PXDNL: variants seen among roughly 807,000 people sequenced by gnomAD.
PXDNL encodes peroxidasin like, also known as probable oxidoreductase PXDNL.
A neutral mutation model predicts 150.8 loss-of-function variants in PXDNL; 145 were observed. The ratio of observed to expected loss-of-function variants is 0.96; its 90% CI spans 0.84 to 1.10. The LOEUF (loss-of-function observed/expected upper bound fraction) is 1.10, where lower values mean the gene tolerates loss of function less well. Ranked by LOEUF, PXDNL falls within the 50% of genes least tolerant of loss-of-function variation. The pLI is 0.00. For synonymous variants in PXDNL, 757 were observed against 725.7 expected (o/e 1.04, Z -0.69); for missense variants, 2,087 against 1,873.9 (o/e 1.11, Z -2.10).
intron 2 of PXDNL, among the ~76,000 whole-genome samples, chr8:51,651,176 T>C (rs564364531): frequency 6.6e-6 from 1 of 152,214 alleles, no homozygotes; most frequent in Non-Finnish European, 1.5e-5. Flanking sequence ...GATATTTAGT[T>C]AAACACTCTA....
At chr8:51,690,337 C>T (rs1049504315) in intron 1 of PXDNL, among the ~76,000 whole-genome samples, 3 of 152,056 alleles carry the variant, frequency 2.0e-5, no homozygotes, top group African/African-American at 7.2e-5. Flanking sequence ...CACCCTACAA[C>T]AGTCCCCAGA....
intron 2 of PXDNL, among the ~76,000 whole-genome samples, chr8:51,630,343 C>T (rs974356017): frequency 1.3e-5 from 2 of 152,040 alleles, no homozygotes; most frequent in Non-Finnish European, 2.9e-5. Flanking sequence ...TGTAAGATAA[C>T]CTAGAAAATA....
chr8:51,378,846 T>C (rs2915503), intron 17 of PXDNL, among the ~76,000 whole-genome samples: 151,656 of 152,288 alleles, frequency 1, 75,519 homozygotes, highest in Middle Eastern at 1. Context: ...GAAGAAACTC[T>C]GAACATGTTC....
chr8:51,477,262 G>A (rs1189203442), intron 6 of PXDNL, among the ~76,000 whole-genome samples: 1 of 152,146 alleles, frequency 6.6e-6, no homozygotes, highest in Non-Finnish European at 1.5e-5. Context: ...ATGTTTAGTA[G>A]CTTTAAATTG....
intron 20 of PXDNL, among the ~76,000 whole-genome samples, chr8:51,340,389 T>C (rs1805952253): frequency 6.6e-6 from 1 of 152,272 alleles, no homozygotes; most frequent in South Asian, 2.1e-4. Flanking sequence ...AAGTTCTTTC[T>C]ATTTACAATT....
chr8:51,516,584 C>T lies in PXDNL; in HGVS notation c.381-16814G>A, dbSNP rs755249052. ...CATTCTATCCCAGTATATTTCTAGA[C>T]GAAATTAGTTTTACAATATTAGCAT... On this transcript the variant is annotated intron_variant, in intron 4 of 22. Coordinates refer to ENST00000356297, the MANE Select transcript of PXDNL (RefSeq NM_144651.5). Among the ~76,000 whole-genome samples the T allele has an allele frequency of 4.6e-5, 7 of 152,112 alleles. No individual in the cohort carries two copies. In the East Asian group the frequency reaches 7.7e-4, roughly 17 times the overall value.
intron 1 of PXDNL, among the ~76,000 whole-genome samples, chr8:51,707,023 A>G (rs1816394478): frequency 6.6e-6 from 1 of 152,204 alleles, no homozygotes; most frequent in Non-Finnish European, 1.5e-5. Flanking sequence ...TACTGAATCT[A>G]CATAGACGGT....
intron 1 of PXDNL, among the ~76,000 whole-genome samples, chr8:51,678,354 C>T (rs1815671060): frequency 6.6e-6 from 1 of 152,176 alleles, no homozygotes; most frequent in Admixed American, 6.6e-5. Context: ...ATTTAGTCCA[C>T]ACCTATTTTT....
intron 5 of PXDNL, among the ~76,000 whole-genome samples, chr8:51,488,135 T>G (rs147216119): frequency 0.014 from 2,084 of 152,286 alleles, 19 homozygotes; most frequent in Non-Finnish European, 0.02. Flanking sequence ...GAATCTCCAT[T>G]GAAATAATTA....
At chr8:51,405,261 C>T (rs776363970) in intron 17 of PXDNL, among the ~76,000 whole-genome samples, 4 of 152,204 alleles carry the variant, frequency 2.6e-5, no homozygotes, top group Non-Finnish European at 5.9e-5. Flanking sequence ...TCCTCAACAG[C>T]GGCCTGAGTG....
chr8:51,590,782 C>T (rs1441302978), intron 3 of PXDNL, among the ~76,000 whole-genome samples: 1 of 152,030 alleles, frequency 6.6e-6, no homozygotes, highest in Non-Finnish European at 1.5e-5. Flanking sequence ...GGATGAATCA[C>T]ACCTTGAGTC....
chr8:51,647,473 C>T (rs878905894), intron 2 of PXDNL, among the ~76,000 whole-genome samples: 3 of 152,156 alleles, frequency 2.0e-5, no homozygotes, highest in Admixed American at 2.0e-4. Flanking sequence ...TAAACAATTC[C>T]ACTGAGCACT....
chr8:51,645,820 AG>A (rs1403127950), intron 2 of PXDNL, among the ~76,000 whole-genome samples: 1 of 152,190 alleles, frequency 6.6e-6, no homozygotes, highest in Non-Finnish European at 1.5e-5. Context: ...TTGTGCAGAC[AG>A]TTACGTGAAA....
rs537507530 is a variant in PXDNL, at chr8:51,676,263, G to A, written c.165-21503C>T. ...CTGATGAGTGTCCATTTTCTCTGTG[G>A]TTCTCCCAGGATGTATTCACTTTTT... On this transcript the variant is annotated intron_variant, in intron 1 of 22. Transcript: ENST00000356297. Among the ~76,000 whole-genome samples the A allele has an allele frequency of 3.4e-4, 51 of 151,672 alleles. 1 individual carries two copies. In the South Asian group the frequency reaches 6.7e-3, roughly 20 times the overall value.
chr8:51,805,651 A>G (rs1344081295), intron 1 of PXDNL, among the ~76,000 whole-genome samples: 2 of 152,046 alleles, frequency 1.3e-5, no homozygotes, highest in African/African-American at 4.8e-5. Flanking sequence ...AGCTTTCCAC[A>G]TAAAGAAAAT....
intron 1 of PXDNL, among the ~76,000 whole-genome samples, chr8:51,753,271 G>T (rs1295540499): frequency 6.6e-6 from 1 of 152,156 alleles, no homozygotes; most frequent in Non-Finnish European, 1.5e-5. Context: ...AGGTATTTTT[G>T]AATATGAATC....
At position 51,391,209 on chromosome 8, in the gene PXDNL, C is replaced by A. The variant is rs548801606; in HGVS notation, c.3558-16478G>T. ...TAGTGCCGCAATAAACATATGTGTGCGTGTGTCTTTATAGCAGCATGATTT... is the reference window on the plus strand; with the variant it reads ...TAGTGCCGCAATAAACATATGTGTGAGTGTGTCTTTATAGCAGCATGATTT... On this transcript the variant is annotated intron_variant, in intron 17 of 22. Coordinates refer to ENST00000356297, the MANE Select transcript of PXDNL (RefSeq NM_144651.5). Among the ~76,000 whole-genome samples the A allele has an allele frequency of 3.1e-3, 478 of 152,214 alleles. 1 individual carries two copies. Among genetic ancestry groups the A allele is most frequent in the Middle Eastern group, 0.014 (4 of 294 alleles).
chr8:51,736,187 A>G (rs1817034926), intron 1 of PXDNL, among the ~76,000 whole-genome samples: 1 of 152,228 alleles, frequency 6.6e-6, no homozygotes, highest in African/African-American at 2.4e-5. Context: ...GAGGAGAGGA[A>G]CATACATTTA....
intron 1 of PXDNL, among the ~76,000 whole-genome samples, chr8:51,689,245 A>T (rs545075779): frequency 1.8e-3 from 278 of 151,930 alleles, no homozygotes; most frequent in Middle Eastern, 3.4e-3. Flanking sequence ...CCAAGCAACC[A>T]TGCTGTCAGC....
Sources: gnomAD v4.1 joint callset for allele counts (sites outside exome capture counted in the v4.1 genomes callset) on GRCh38, gnomAD v4.1.1 for gene constraint, MANE v1.5 for transcripts, NCBI Gene and HGNC (gene_info 2026-07-23, HGNC 2026-07-21) for gene names.